Variants in CHST9 observed in about 807,000 individuals in gnomAD.
CHST9 encodes the protein carbohydrate sulfotransferase 9.
In CHST9, 41 loss-of-function variants were observed where a neutral mutation model predicts 44.4. The ratio of observed to expected loss-of-function variants is 0.92; its 90% CI spans 0.72 to 1.20. The LOEUF (loss-of-function observed/expected upper bound fraction) is 1.20. CHST9 is among the 50% of genes most tolerant of loss of function. The probability of loss-of-function intolerance (pLI) is 0.00; values close to 1 mark genes in which losing one functional copy is unlikely to be tolerated. For synonymous variants in CHST9, 171 were observed against 178.4 expected (o/e 0.96, Z 0.33); for missense variants, 504 against 516.5 (o/e 0.98, Z 0.23).
chr18:27,013,860 C>T (rs2057114749), intron 4 of CHST9, among the ~76,000 whole-genome samples: 1 of 152,074 alleles, frequency 6.6e-6, no homozygotes, highest in South Asian at 2.1e-4. Flanking sequence ...AAAATGTAAA[C>T]TAATTTGAAT....
chr18:27,110,922 G>A (rs578076037), intron 2 of CHST9, among the ~76,000 whole-genome samples: 8 of 152,330 alleles, frequency 5.3e-5, no homozygotes, highest in Admixed American at 4.6e-4. Flanking sequence ...CAGAAACTCT[G>A]GAGATAGGAA....
At chr18:26,969,000 CT>C (rs34898136) in intron 4 of CHST9, among the ~76,000 whole-genome samples, 62,222 of 132,422 alleles carry the variant, frequency 0.47, 13,901 homozygotes, top group East Asian at 0.67. Flanking sequence ...TTTATGCAGT[CT>C]TTTTTTTTTT....
At chr18:26,980,640 G>A (rs2056680754) in intron 4 of CHST9, among the ~76,000 whole-genome samples, 1 of 151,972 alleles carries the variant, frequency 6.6e-6, no homozygotes, top group Admixed American at 6.6e-5. Context: ...AATTCTTAGG[G>A]TTTACCACTT....
intron 2 of CHST9, among the ~76,000 whole-genome samples, chr18:27,093,165 A>C (rs1238483807): frequency 6.6e-6 from 1 of 152,180 alleles, no homozygotes; most frequent in Non-Finnish European, 1.5e-5. Context: ...ACTGGGACCT[A>C]CTGGGAGGTG....
chr18:27,068,675 C>T (rs553540796), intron 2 of CHST9, among the ~76,000 whole-genome samples: 101 of 152,296 alleles, frequency 6.6e-4, no homozygotes, highest in Non-Finnish European at 1.4e-3. Context: ...TATTCATTCA[C>T]ATAGTATGGA....
intron 4 of CHST9, among the ~76,000 whole-genome samples, chr18:26,998,801 G>A (rs1018820019): frequency 3.3e-5 from 5 of 151,632 alleles, no homozygotes; most frequent in Non-Finnish European, 5.9e-5. Context: ...ATGTCTTACT[G>A]TTCTTTTTCA....
At chr18:27,001,033 G>A (rs1200862540) in intron 4 of CHST9, among the ~76,000 whole-genome samples, 2 of 152,150 alleles carry the variant, frequency 1.3e-5, no homozygotes, top group African/African-American at 2.4e-5. Flanking sequence ...TGCCCCCAAA[G>A]GTTATAAAGC....
intron 3 of CHST9, among the ~76,000 whole-genome samples, chr18:27,047,539 A>G (rs954455877): frequency 6.6e-6 from 1 of 152,088 alleles, no homozygotes; most frequent in Non-Finnish European, 1.5e-5. Context: ...GGAAAGGACA[A>G]AAGAGACAGA....
At chr18:26,969,728 G>A (rs2056517502) in intron 4 of CHST9, among the ~76,000 whole-genome samples, 1 of 152,212 alleles carries the variant, frequency 6.6e-6, no homozygotes, top group Non-Finnish European at 1.5e-5. Flanking sequence ...GAGCTAGAGA[G>A]TGAGGGAGGA....
At chr18:27,072,069 G>A (rs1008693503) in intron 2 of CHST9, among the ~76,000 whole-genome samples, 3 of 152,178 alleles carry the variant, frequency 2.0e-5, no homozygotes, top group Non-Finnish European at 2.9e-5. Context: ...ATATTGCCCG[G>A]TGTGAAGTTT....
At chr18:27,081,493 C>T (rs965002877) in intron 2 of CHST9, among the ~76,000 whole-genome samples, 1 of 152,280 alleles carries the variant, frequency 6.6e-6, no homozygotes, top group South Asian at 2.1e-4. Flanking sequence ...AAGCAGTGCA[C>T]CTACCTTACA....
At chr18:27,142,051 G>GA (rs2058572698) in intron 2 of CHST9, among the ~76,000 whole-genome samples, 1 of 152,190 alleles carries the variant, frequency 6.6e-6, no homozygotes, top group Non-Finnish European at 1.5e-5. Flanking sequence ...ACTATTGCCT[G>GA]TGGACCAAAT....
At chr18:27,016,476 C>T (rs2057156092) in intron 4 of CHST9, among the ~76,000 whole-genome samples, 1 of 152,198 alleles carries the variant, frequency 6.6e-6, no homozygotes, top group Non-Finnish European at 1.5e-5. Flanking sequence ...GTCTTTATAG[C>T]ACTCTGTTGC....
intron 4 of CHST9, among the ~76,000 whole-genome samples, chr18:26,970,522 G>T (rs1431457757): frequency 1.3e-5 from 2 of 152,084 alleles, no homozygotes; most frequent in Admixed American, 1.3e-4. Flanking sequence ...TCTGACTCTG[G>T]GGCTAAAGCG....
chr18:27,062,309 A>C (rs1308056051), intron 2 of CHST9, among the ~76,000 whole-genome samples: 2 of 147,590 alleles, frequency 1.4e-5, no homozygotes, highest in Non-Finnish European at 1.5e-5. Flanking sequence ...TATCCCTCCC[A>C]CCTCCCCCCA....
intron 2 of CHST9, among the ~76,000 whole-genome samples, chr18:27,072,526 G>C (rs1324496017): frequency 2.0e-5 from 3 of 152,108 alleles, no homozygotes; most frequent in African/African-American, 7.2e-5. Context: ...AGAGGTCGAA[G>C]TTGTAGGCTT....
At chr18:27,083,873 C>T (rs997326908) in intron 2 of CHST9, among the ~76,000 whole-genome samples, 3 of 152,004 alleles carry the variant, frequency 2.0e-5, no homozygotes, top group Non-Finnish European at 4.4e-5. Context: ...TTATTGAAAG[C>T]CCTTTCTATA....
At chr18:27,127,994 C>G in intron 2 of CHST9, among the ~76,000 whole-genome samples, 1 of 152,076 alleles carries the variant, frequency 6.6e-6, no homozygotes, top group East Asian at 1.9e-4. Flanking sequence ...GAGAAAGTAA[C>G]ATAAAAGCTG....
At chr18:26,971,977 T>C (rs1019353524) in intron 4 of CHST9, among the ~76,000 whole-genome samples, 1 of 151,996 alleles carries the variant, frequency 6.6e-6, no homozygotes, top group African/African-American at 2.4e-5. Flanking sequence ...ATGACAAGTA[T>C]TATGGCGGAA....
Sources: gnomAD v4.1 joint callset for allele counts (sites outside exome capture counted in the v4.1 genomes callset) on GRCh38, gnomAD v4.1.1 for gene constraint, MANE v1.5 for transcripts, NCBI Gene and HGNC (gene_info 2026-07-23, HGNC 2026-07-21) for gene names.